DTNBP1: variants seen among roughly 807,000 people sequenced by gnomAD.
The protein encoded by DTNBP1 is dysbindin.
Under a neutral mutation model 42.8 loss-of-function variants are expected in DTNBP1, and 35 were observed. That is an observed-to-expected ratio of 0.82 (90% CI 0.63 to 1.09). The LOEUF is 1.09. Ranked by LOEUF, DTNBP1 falls within the 50% of genes least tolerant of loss-of-function variation. DTNBP1 has a pLI of 0.00. For synonymous variants in DTNBP1, 171 were observed against 162.2 expected (o/e 1.05, Z -0.41); for missense variants, 457 against 424.2 (o/e 1.08, Z -0.68).
chr6:15,656,119 T>G (rs547845250), intron 1 of DTNBP1, among the ~76,000 whole-genome samples: 1 of 152,332 alleles, frequency 6.6e-6, no homozygotes, highest in Non-Finnish European at 1.5e-5. Flanking sequence ...AAATGAAAGT[T>G]ATAATAAAGG....
intron 1 of DTNBP1, among the ~76,000 whole-genome samples, chr6:15,655,620 A>T (rs1761235846): frequency 6.8e-6 from 1 of 146,640 alleles, no homozygotes; most frequent in African/African-American, 2.6e-5. Context: ...CAAAGTAGCT[A>T]TAGGAAAGTA....
intron 9 of DTNBP1, chr6:15,524,301 G>C: frequency 6.2e-7 from 1 of 1,610,284 alleles, no homozygotes. Flanking sequence ...CAAAGTTACC[G>C]GAGTGGAGCA....
chr6:15,659,069 A>T lies in DTNBP1; in HGVS notation c.56+3745T>A, dbSNP rs184749247. On this transcript the variant is annotated intron_variant, in intron 1 of 9. Transcript: ENST00000344537. ...CCCCCAAACCACCAGTAATCTCTAC[A>T]CTGCCCTTAAAGAACAATGGTCTTA... Among the ~76,000 whole-genome samples, 5 of 152,360 alleles carry T rather than the reference A, an allele frequency of 3.3e-5. No individual in the cohort carries two copies. In the East Asian group the frequency reaches 9.6e-4, roughly 29 times the overall value.
At chr6:15,566,482 C>T (rs1775089829) in intron 7 of DTNBP1, among the ~76,000 whole-genome samples, 1 of 152,130 alleles carries the variant, frequency 6.6e-6, no homozygotes, top group South Asian at 2.1e-4. Flanking sequence ...TTTAGACAGG[C>T]TGACCAGCAC....
intron 9 of DTNBP1, chr6:15,523,573 T>TTTA: frequency 7.9e-7 from 1 of 1,258,542 alleles, no homozygotes; most frequent in Admixed American, 2.8e-5. Flanking sequence ...TTTTTTTTTT[T>TTTA]TTTACCCTTT....
intron 8 of DTNBP1, among the ~76,000 whole-genome samples, chr6:15,528,604 T>C (rs1004364130): frequency 6.6e-6 from 1 of 152,138 alleles, no homozygotes; most frequent in East Asian, 1.9e-4. Flanking sequence ...TCCAACAGAT[T>C]AGCAAAAATT....
At chr6:15,623,650 AAG>A (rs1332846356) in intron 5 of DTNBP1, among the ~76,000 whole-genome samples, 24 of 152,208 alleles carry the variant, frequency 1.6e-4, no homozygotes, top group Non-Finnish European at 3.2e-4. Flanking sequence ...AAAATAAACT[AAG>A]AGAAAATTCA....
At chr6:15,523,614 A>G in intron 9 of DTNBP1, 2 of 1,288,002 alleles carry the variant, frequency 1.6e-6, no homozygotes, top group Non-Finnish European at 2.0e-6. Context: ...CTGCTGAGAA[A>G]GTCGGAATTA....
At chr6:15,538,012 TG>T (rs1466188999) in intron 7 of DTNBP1, among the ~76,000 whole-genome samples, 5 of 152,222 alleles carry the variant, frequency 3.3e-5, no homozygotes, top group African/African-American at 4.8e-5. Context: ...TTAAATCCTT[TG>T]TACTTCACAG....
intron 7 of DTNBP1, among the ~76,000 whole-genome samples, chr6:15,561,884 T>C (rs1487212863): frequency 1.3e-5 from 2 of 152,246 alleles, no homozygotes; most frequent in African/African-American, 4.8e-5. Context: ...AAGGGACCTC[T>C]GGTCATCCTC....
chr6:15,546,064 T>TTC, intron 7 of DTNBP1: 1 of 94,774 alleles, frequency 1.1e-5, no homozygotes, highest in Admixed American at 1.4e-4. Context: ...CCTCCAGTTC[T>TTC]TTTTTTTTTT....
At position 15,623,338 on chromosome 6, in the gene DTNBP1, T is replaced by G. The variant is rs188165892; in HGVS notation, c.355+4005A>C. ...GTCAAACCAAAAGAAAAACACAAACTCAGTATACGGCTGCTATTCTCTTAT... is the reference window on the plus strand; with the variant it reads ...GTCAAACCAAAAGAAAAACACAAACGCAGTATACGGCTGCTATTCTCTTAT... On this transcript the variant is annotated intron_variant, in intron 5 of 9. Coordinates refer to ENST00000344537, the MANE Select transcript of DTNBP1 (RefSeq NM_032122.5). Among the ~76,000 whole-genome samples the G allele has an allele frequency of 3.7e-3, 561 of 152,230 alleles. 9 individuals are homozygous for G. The highest frequency in any genetic ancestry group is 0.035 in the Admixed American group (533 of 15,300).
intron 3 of DTNBP1, among the ~76,000 whole-genome samples, chr6:15,646,669 A>C (rs1430038141): frequency 6.6e-6 from 1 of 152,072 alleles, no homozygotes; most frequent in Non-Finnish European, 1.5e-5. Flanking sequence ...ATAAAAATAG[A>C]CACACAGATC....
chr6:15,651,482 CA>C, intron 2 of DTNBP1, 119 bp from the exon 3 acceptor site: 2 of 1,347,384 alleles, frequency 1.5e-6, no homozygotes, highest in Non-Finnish European at 2.1e-6. Flanking sequence ...TCACTAATGA[CA>C]ATTATTAAAC....
At chr6:15,533,976 G>A (rs1773050930) in intron 7 of DTNBP1, among the ~76,000 whole-genome samples, 1 of 152,192 alleles carries the variant, frequency 6.6e-6, no homozygotes, top group Non-Finnish European at 1.5e-5. Flanking sequence ...AAAAAGGAGG[G>A]ATATTCTGAC....
chr6:15,662,688 C>T, intron 1 of DTNBP1, 126 bp downstream of exon 1: 1 of 1,311,776 alleles, frequency 7.6e-7, no homozygotes, highest in Non-Finnish European at 1.1e-6. Context: ...CTCGGCGGGG[C>T]GGGGCGGGGA....
chr6:15,634,163 T>TTAGATTAATC (rs74285828), intron 4 of DTNBP1, among the ~76,000 whole-genome samples: 37,943 of 151,620 alleles, frequency 0.25, 5,495 homozygotes, highest in African/African-American at 0.4. Flanking sequence ...AATATGCCCT[T>TTAGATTAATC]TAGATTAATC....
At chr6:15,534,659 CAAAAAAAAAA>C (rs34234744) in intron 7 of DTNBP1, among the ~76,000 whole-genome samples, 1 of 99,256 alleles carries the variant, frequency 1.0e-5, no homozygotes, top group Non-Finnish European at 1.9e-5. Context: ...GACTCTGTCT[CAAAAAAAAAA>C]AAAAAAAAAA....
chr6:15,565,818 A>G (rs1296109586), intron 7 of DTNBP1, among the ~76,000 whole-genome samples: 1 of 152,238 alleles, frequency 6.6e-6, no homozygotes, highest in Non-Finnish European at 1.5e-5. Context: ...TTAGAATGGG[A>G]AAATTTATGG....
Sources: allele counts gnomAD v4.1 joint callset (sites outside exome capture counted in the v4.1 genomes callset), GRCh38; gene constraint gnomAD v4.1.1; transcripts MANE v1.5; gene names NCBI Gene and HGNC (gene_info 2026-07-23, HGNC 2026-07-21).